SCGB2B2: variants seen among roughly 807,000 people sequenced by gnomAD.
SCGB2B2 encodes the protein secretoglobin family 2B member 2, also known as secretoglobin-like protein.
Under a neutral mutation model 7.6 loss-of-function variants are expected in SCGB2B2, and 11 were observed. The ratio of observed to expected loss-of-function variants is 1.45; its 90% CI spans 0.91 to 2.40. The LOEUF is 2.40. Among genes scored for constraint, SCGB2B2 ranks in the 30% most tolerant of loss-of-function variants. The pLI is 0.00. For synonymous variants in SCGB2B2, 50 were observed against 48.6 expected (o/e 1.03, Z -0.12); for missense variants, 104 against 115.4 (o/e 0.90, Z 0.45).
downstream of SCGB2B2, among the ~76,000 whole-genome samples, chr19:34,586,072 A>ATCC (rs1316205558): frequency 6.6e-6 from 1 of 152,208 alleles, no homozygotes; most frequent in Non-Finnish European, 1.5e-5. Flanking sequence ...ATCAGGCACT[A>ATCC]TCCTCCTAGC....
At chr19:34,664,838 G>A (rs759572692) in intron 1 of SCGB2B2, among the ~76,000 whole-genome samples, 28 of 152,010 alleles carry the variant, frequency 1.8e-4, no homozygotes, top group Non-Finnish European at 3.2e-4. Flanking sequence ...TTAGAGGCCA[G>A]GAAGCAGCGG....
chr19:34,659,329 A>G (rs1298903722), intron 1 of SCGB2B2, among the ~76,000 whole-genome samples: 3 of 152,228 alleles, frequency 2.0e-5, no homozygotes, highest in African/African-American at 7.2e-5. Flanking sequence ...GTATTCAATT[A>G]GGAAAAGAGG....
intron 1 of SCGB2B2, among the ~76,000 whole-genome samples, chr19:34,665,870 G>T (rs1379858767): frequency 6.6e-6 from 1 of 152,076 alleles, no homozygotes; most frequent in African/African-American, 2.4e-5. Flanking sequence ...ACTCCCTCTA[G>T]AAAGCCCCCC....
At chr19:34,600,202 AATTT>A (rs2065584189) in intron 1 of SCGB2B2, among the ~76,000 whole-genome samples, 1 of 152,118 alleles carries the variant, frequency 6.6e-6, no homozygotes, top group African/African-American at 2.4e-5. Context: ...GCTCTTTTAC[AATTT>A]ATATGGCTGG....
intron 1 of SCGB2B2, among the ~76,000 whole-genome samples, chr19:34,651,615 G>T (rs1433349549): frequency 2.0e-5 from 3 of 150,962 alleles, no homozygotes; most frequent in Admixed American, 6.6e-5. Context: ...AAAATACTGA[G>T]GAAATCAATT....
intron 1 of SCGB2B2, among the ~76,000 whole-genome samples, chr19:34,674,366 G>A (rs753218452): frequency 2.0e-5 from 3 of 152,042 alleles, no homozygotes; most frequent in Non-Finnish European, 4.4e-5. Flanking sequence ...TCTTTTCAAG[G>A]ACAAAGATAA....
intron 1 of SCGB2B2, among the ~76,000 whole-genome samples, chr19:34,617,949 C>T (rs2066133354): frequency 1.3e-5 from 2 of 152,256 alleles, no homozygotes; most frequent in Admixed American, 1.3e-4. Flanking sequence ...TCCCTGACCC[C>T]TTGCGCTTCC....
intron 1 of SCGB2B2, among the ~76,000 whole-genome samples, chr19:34,614,463 T>A (rs372676): frequency 0.38 from 58,357 of 151,802 alleles, 11,707 homozygotes; most frequent in African/African-American, 0.51. Flanking sequence ...TTCTGTTTTT[T>A]AATTATTATT....
chr19:34,630,100 A>T (rs1600055948), intron 1 of SCGB2B2, among the ~76,000 whole-genome samples: 1 of 152,076 alleles, frequency 6.6e-6, no homozygotes, highest in Non-Finnish European at 1.5e-5. Context: ...TACACCTTAA[A>T]CAAAAATTAA....
chr19:34,609,293 T>C (rs923398745), intron 1 of SCGB2B2, among the ~76,000 whole-genome samples: 1 of 152,160 alleles, frequency 6.6e-6, no homozygotes, highest in Non-Finnish European at 1.5e-5. Context: ...TCTCTATTGA[T>C]CATTTCCTTT....
At chr19:34,589,457 C>T (rs182866032), downstream of SCGB2B2, among the ~76,000 whole-genome samples, 7 of 152,280 alleles carry the variant, frequency 4.6e-5, no homozygotes, top group Non-Finnish European at 1.5e-5. Context: ...CTCACTTGCA[C>T]TTAAGGCATT....
intron 1 of SCGB2B2, among the ~76,000 whole-genome samples, chr19:34,669,714 T>TACACACCCACACACACACACACACACAC (rs2067747137): frequency 7.2e-6 from 1 of 139,498 alleles, no homozygotes. Flanking sequence ...TGCCCCCACT[T>TACACACCCACACACACACACACACACAC]ACACACACAC....
At chr19:34,658,733 C>A (rs1348068144) in intron 1 of SCGB2B2, among the ~76,000 whole-genome samples, 1 of 149,900 alleles carries the variant, frequency 6.7e-6, no homozygotes, top group African/African-American at 2.5e-5. Flanking sequence ...AAGAGGGAAT[C>A]CTCCCTAACT....
At chr19:34,615,310 G>A (rs1206076102) in intron 1 of SCGB2B2, among the ~76,000 whole-genome samples, 1 of 152,146 alleles carries the variant, frequency 6.6e-6, no homozygotes, top group Non-Finnish European at 1.5e-5. Context: ...CAGTGGTGAG[G>A]TCTGTGGGTG....
intron 1 of SCGB2B2, among the ~76,000 whole-genome samples, chr19:34,658,834 A>G (rs12459378): frequency 0.088 from 10,060 of 114,908 alleles, 763 homozygotes; most frequent in Middle Eastern, 0.21. Context: ...AAAAAAAAAA[A>G]AGAGAGAGAA....
At chr19:34,647,055 C>G (rs1207403892) in intron 1 of SCGB2B2, among the ~76,000 whole-genome samples, 2 of 152,244 alleles carry the variant, frequency 1.3e-5, no homozygotes, top group East Asian at 3.9e-4. Flanking sequence ...ATGCTGGAGG[C>G]TGGGAAACCT....
chr19:34,656,087 A>G (rs2067273943), intron 1 of SCGB2B2, among the ~76,000 whole-genome samples: 1 of 151,342 alleles, frequency 6.6e-6, no homozygotes, highest in Admixed American at 6.5e-5. Context: ...AAGGACATAG[A>G]CAAAATGTTC....
chr19:34,622,017 T>C (rs1271913393), intron 1 of SCGB2B2, among the ~76,000 whole-genome samples: 1 of 152,200 alleles, frequency 6.6e-6, no homozygotes, highest in Non-Finnish European at 1.5e-5. Flanking sequence ...GGCCAGGGAC[T>C]TCTCTTAGAA....
intron 1 of SCGB2B2, among the ~76,000 whole-genome samples, chr19:34,619,470 G>A (rs1158799748): frequency 1.3e-5 from 2 of 152,116 alleles, no homozygotes; most frequent in African/African-American, 4.8e-5. Context: ...TTAACTAAGA[G>A]GATGGTAACC....
Sources: gnomAD v4.1 joint callset for allele counts (sites outside exome capture counted in the v4.1 genomes callset) on GRCh38, gnomAD v4.1.1 for gene constraint, MANE v1.5 for transcripts, NCBI Gene and HGNC (gene_info 2026-07-23, HGNC 2026-07-21) for gene names.